OR51L1: variants seen among roughly 807,000 people sequenced by gnomAD.
The protein encoded by OR51L1 is olfactory receptor family 51 subfamily L member 1, also known as olfactory receptor 51L1.
Under a neutral mutation model 1.4 loss-of-function variants are expected in OR51L1, and 1 was observed. The observed-to-expected ratio is 0.72, with a 90% confidence interval of 0.26 to 3.42. The LOEUF is 3.42. Among genes scored for constraint, OR51L1 ranks in the 30% most tolerant of loss-of-function variants. OR51L1 has a pLI of 0.20. For synonymous variants in OR51L1, 156 were observed against 144.2 expected (o/e 1.08, Z -0.59); for missense variants, 378 against 380.0 (o/e 0.99, Z 0.04).
rs750269408 is a variant in OR51L1, at chr11:4,998,938, A to G, written c.-45A>G. On this transcript the variant is annotated 5_prime_UTR_variant, in exon 3 of 3. Coordinates refer to ENST00000641819, the MANE Select transcript of OR51L1 (RefSeq NM_001004755.2). ...ATAACTTTGAGGGATCAGGAAGGAA[A>G]ACACGAACCATTCCTCACTACTTGC... 7 of 1,573,538 alleles carry G rather than the reference A, an allele frequency of 4.4e-6. No individual in the cohort carries two copies. Among genetic ancestry groups the G allele is most frequent in the South Asian group, 1.2e-5 (1 of 84,196 alleles).
At position 5,004,488 on chromosome 11, in the gene OR51L1, A is replaced by T. The variant is rs1847159193; in HGVS notation, c.*4558A>T. ...CCCTAGAGTAACTGCAAGACTCAGT[A>T]AGAGTCTAGCCATATGGGTATTGTT... On this transcript the variant is annotated 3_prime_UTR_variant, in exon 3 of 3. Transcript: ENST00000641819. The T allele has an allele frequency of 6.6e-6, 1 of 152,200 alleles. No homozygotes were observed. Among genetic ancestry groups the T allele is most frequent in the South Asian group, 2.1e-4 (1 of 4,826 alleles). 9.4% of individuals were successfully genotyped at this position (152,200 alleles called of 1,614,324 possible). A position where few individuals can be genotyped will look rare whatever the true frequency, so the allele number is the denominator to read the frequency against.
In OR51L1 at chr11:5,002,883, T is replaced by C. The variant is rs1847144193; in HGVS notation, c.*2953T>C. On this transcript the variant is annotated 3_prime_UTR_variant, in exon 3 of 3. Coordinates refer to ENST00000641819, the MANE Select transcript of OR51L1 (RefSeq NM_001004755.2). Reference sequence around the variant, plus strand: ...GTCTGCTTCCCAGAGAACCCTGAAATGAGAAGTTCTCAGAAAACCTGTGAC... The same window carrying C: ...GTCTGCTTCCCAGAGAACCCTGAAACGAGAAGTTCTCAGAAAACCTGTGAC... 1 of 152,184 alleles carries C rather than the reference T, an allele frequency of 6.6e-6. No individual in the cohort carries two copies. The highest frequency in any genetic ancestry group is 2.4e-5 in the African/African-American group (1 of 41,444). The allele number at this position is 152,184 out of a possible 1,614,324, so 9.4% of individuals were successfully genotyped here. A position where few individuals can be genotyped will look rare whatever the true frequency, so the allele number is the denominator to read the frequency against.
chr11:4,998,823 G>C lies in OR51L1; in HGVS notation c.-159-1G>C. 1.4e-6 allele frequency: 1 copy of C among 730,640 alleles called. No homozygotes were observed. Among genetic ancestry groups the C allele is most frequent in the Admixed American group, 3.0e-5 (1 of 33,646 alleles). The allele number at this position is 730,640 out of a possible 1,614,324, so 45.3% of individuals were successfully genotyped here. ...AATATTGGGAAATGTTTTTTACATA[G>C]GGCCGACAAGAGATACCAGCTTCCT... On this transcript the variant is annotated splice_acceptor_variant, in intron 2 of 2. Transcript: ENST00000641819. LOFTEE classifies it low-confidence loss of function (5UTR_SPLICE).
chr11:4,998,437 G>C (rs1457548721), intron 2 of OR51L1, among the ~76,000 whole-genome samples: 1 of 151,346 alleles, frequency 6.6e-6, no homozygotes, highest in Non-Finnish European at 1.5e-5. Context: ...TATTTATCTT[G>C]TATTATTAAA....
At position 4,999,517 on chromosome 11, in the gene OR51L1, G is replaced by C; in HGVS notation, c.535G>C (p.Ala179Pro). Residue 179 changes from alanine to proline, a missense_variant, in exon 3 of 3, where the codon GCC becomes CCC. Ala to Pro is a conservative substitution (Grantham distance 27). Transcript: ENST00000641819. ...HYCHGNALSH[A>P]FCLHQDVLRL... The stretch of plus-strand genomic sequence containing the variant: ...CTGCCATGGCAATGCCCTCTCTCAC[G>C]CCTTCTGTTTGCACCAGGATGTTCT... 1 of 1,613,914 alleles carries C rather than the reference G, an allele frequency of 6.2e-7. No individual in the cohort carries two copies. Among genetic ancestry groups the C allele is most frequent in the Non-Finnish European group, 8.5e-7 (1 of 1,179,944 alleles).
At chr11:4,998,265 G>GT (rs571091474) in intron 2 of OR51L1, among the ~76,000 whole-genome samples, 2 of 149,360 alleles carry the variant, frequency 1.3e-5, no homozygotes, top group South Asian at 4.2e-4. Flanking sequence ...TATATATATA[G>GT]TTTTTTTACC....
intron 1 of OR51L1, among the ~76,000 whole-genome samples, chr11:4,997,146 T>A (rs1295699539): frequency 6.6e-6 from 1 of 152,086 alleles, no homozygotes; most frequent in Non-Finnish European, 1.5e-5. Flanking sequence ...GATGGAGGAT[T>A]CCTGTACTTG....
At position 5,001,974 on chromosome 11, in the gene OR51L1, C is replaced by T. The variant is rs1032946635; in HGVS notation, c.*2044C>T. 10 of 152,020 alleles carry T rather than the reference C, an allele frequency of 6.6e-5. No individual in the cohort carries two copies. The highest frequency in any genetic ancestry group is 1.5e-5 in the Non-Finnish European group (1 of 68,000). 9.4% of individuals were successfully genotyped at this position (152,020 alleles called of 1,614,324 possible). A position where few individuals can be genotyped will look rare whatever the true frequency, so the allele number is the denominator to read the frequency against. ...ATCAATGGTATTATTGGAACAGGTACCTTTTATAATATTGATATATTAATA... is the reference window on the plus strand; with the variant it reads ...ATCAATGGTATTATTGGAACAGGTATCTTTTATAATATTGATATATTAATA... On this transcript the variant is annotated 3_prime_UTR_variant, in exon 3 of 3. Transcript: ENST00000641819.
rs1157849207 is a variant in OR51L1, at chr11:5,003,382, T to G, written c.*3452T>G. The G allele has an allele frequency of 1.3e-5, 2 of 152,034 alleles. No individual in the cohort carries two copies. The highest frequency in any genetic ancestry group is 2.4e-5 in the African/African-American group (1 of 41,388). 9.4% of individuals were successfully genotyped at this position (152,034 alleles called of 1,614,324 possible). A position where few individuals can be genotyped will look rare whatever the true frequency, so the allele number is the denominator to read the frequency against. ...GTGGTGTGCCCTCAGAAGGTCATAC[T>G]CCTTCATTTTGTCTCTTAATGCACA... is the stretch of plus-strand genomic sequence containing the variant. On this transcript the variant is annotated 3_prime_UTR_variant, in exon 3 of 3. Transcript: ENST00000641819.
rs547990505 is a variant in OR51L1, at chr11:5,002,187, T to G, written c.*2257T>G. 6.6e-6 allele frequency: 1 copy of G among 152,202 alleles called. No homozygotes were observed. The highest frequency in any genetic ancestry group is 1.5e-5 in the Non-Finnish European group (1 of 68,028). The allele number at this position is 152,202 out of a possible 1,614,324, so 9.4% of individuals were successfully genotyped here. A position where few individuals can be genotyped will look rare whatever the true frequency, so the allele number is the denominator to read the frequency against. ...TGCTTTTGTGCTCTGTAATGTCATA[T>G]AGGTTAATGAAATTGGTTATGATGG... On this transcript the variant is annotated 3_prime_UTR_variant, in exon 3 of 3. Transcript: ENST00000641819.
At position 4,999,798 on chromosome 11, in the gene OR51L1, C is replaced by T; in HGVS notation, c.816C>T (p.Pro272=). 1.9e-6 allele frequency: 3 copies of T among 1,614,066 alleles called. No individual in the cohort carries two copies. The highest frequency in any genetic ancestry group is 2.5e-6 in the Non-Finnish European group (3 of 1,180,012). ...MVHRFGKHLS[P]IVHILMADIY... is the part of the protein sequence containing the mutation. Reference sequence around the variant, plus strand: ...ATCGCTTTGGGAAGCATCTGTCTCCCATAGTCCACATCCTCATGGCAGACA... The same window carrying T: ...ATCGCTTTGGGAAGCATCTGTCTCCTATAGTCCACATCCTCATGGCAGACA... The change falls in exon 3 of 3, where the codon CCC becomes CCT. Residue 272 remains proline (P), a synonymous_variant. Coordinates refer to ENST00000641819, the MANE Select transcript of OR51L1 (RefSeq NM_001004755.2).
In OR51L1 at chr11:4,998,866, C is replaced by G. The variant is rs796783873; in HGVS notation, c.-117C>G. The G allele has an allele frequency of 2.6e-6, 3 of 1,140,074 alleles. No homozygotes were observed. Among genetic ancestry groups the G allele is most frequent in the Non-Finnish European group, 3.7e-6 (3 of 800,382 alleles). 70.6% of individuals were successfully genotyped at this position (1,140,074 alleles called of 1,614,324 possible). ...AGCTTCCTTCCTCTGTGAGGTTAGA[C>G]GAAAGATGTATTTTTGTCCTCATTC... is the stretch of plus-strand genomic sequence containing the variant. On this transcript the variant is annotated 5_prime_UTR_variant, in exon 3 of 3. Coordinates refer to ENST00000641819, the MANE Select transcript of OR51L1 (RefSeq NM_001004755.2).
rs762754122 is a variant in OR51L1 at position 4,999,175 on chromosome 11, A to G, written c.193A>G (p.Ile65Val). ...SSLHQPMYYF[I>V]SILAVNDLGM... is the part of the protein sequence containing the mutation. ...TCTCCATCAGCCCATGTATTACTTT[A>G]TTTCCATCTTAGCAGTGAATGACCT... The change falls in exon 3 of 3, where the codon ATT (isoleucine) becomes GTT (valine). Residue 65 changes from isoleucine to valine, a missense_variant. Coordinates refer to ENST00000641819, the MANE Select transcript of OR51L1 (RefSeq NM_001004755.2). The G allele has an allele frequency of 1.9e-6, 3 of 1,613,882 alleles. No individual in the cohort carries two copies. The highest frequency in any genetic ancestry group is 1.1e-5 in the South Asian group (1 of 91,086).
rs1464474065 is a variant in OR51L1 at position 5,002,748 on chromosome 11, G to C, written c.*2818G>C. On this transcript the variant is annotated 3_prime_UTR_variant, in exon 3 of 3. Transcript: ENST00000641819. ...GGCTATCTTCAGGCCTGATTCACAG[G>C]TCAACTTTTCCCTCTGCCCAATCCT... is the stretch of plus-strand genomic sequence containing the variant. The C allele has an allele frequency of 6.6e-6, 1 of 152,078 alleles. No individual in the cohort carries two copies. Among genetic ancestry groups the C allele is most frequent in the African/African-American group, 2.4e-5 (1 of 41,380 alleles). 9.4% of individuals were successfully genotyped at this position (152,078 alleles called of 1,614,324 possible).
In OR51L1 at chr11:4,999,729, G is replaced by T. The variant is rs1312557901; in HGVS notation, c.747G>T (p.Val249=). ...ALNTCVSHIC[V]VLIFFVPVIG... is the part of the protein sequence containing the mutation. ...ACACATGTGTATCCCATATCTGTGT[G>T]GTGCTTATCTTCTTTGTGCCAGTTA... Residue 249 remains valine, a synonymous_variant, in exon 3 of 3, where the codon GTG becomes GTT. Coordinates refer to ENST00000641819, the MANE Select transcript of OR51L1 (RefSeq NM_001004755.2). 1.2e-6 allele frequency: 2 copies of T among 1,613,802 alleles called. No individual in the cohort carries two copies. The highest frequency in any genetic ancestry group is 2.7e-5 in the African/African-American group (2 of 74,876).
intron 2 of OR51L1, 93 bp from the exon 3 acceptor site, chr11:4,998,731 C>T (rs974350431): frequency 2.4e-5 from 10 of 411,258 alleles, no homozygotes; most frequent in Admixed American, 4.0e-5. Flanking sequence ...GCAAATCCAA[C>T]GTATTTCTTG....
chr11:4,996,697 CTTTTCCTTCCTTCCTTTCTTTTCT>C lies in OR51L1; in HGVS notation c.-261-781_-261-758del, dbSNP rs1459968837. Among the ~76,000 whole-genome samples the C allele has an allele frequency of 6.9e-4, 84 of 120,994 alleles. 1 individual carries two copies. The highest frequency in any genetic ancestry group is 2.5e-3 in the African/African-American group (78 of 31,390). The allele number at this position is 120,994 out of a possible 152,430, so 79.4% of individuals were successfully genotyped here. A position where few individuals can be genotyped will look rare whatever the true frequency, so the allele number is the denominator to read the frequency against. ...TTTTTCTCTTTCTTTCTTTTTCTTT[CTTTTCCTTCCTTCCTTTCTTTTCT>C]TTTCTTTCTTTCTTTCTTTCTTTCT... On this transcript the variant is annotated intron_variant, in intron 1 of 2. Transcript: ENST00000641819.
rs1847144080 is a variant in OR51L1 at position 5,002,875 on chromosome 11, C to T, written c.*2945C>T. ...ACCTCAAAGTCTGCTTCCCAGAGAA[C>T]CCTGAAATGAGAAGTTCTCAGAAAA... On this transcript the variant is annotated 3_prime_UTR_variant, in exon 3 of 3. Transcript: ENST00000641819. 6.6e-6 allele frequency: 1 copy of T among 152,118 alleles called. No homozygotes were observed. Among genetic ancestry groups the T allele is most frequent in the Non-Finnish European group, 1.5e-5 (1 of 68,026 alleles). The allele number at this position is 152,118 out of a possible 1,614,324, so 9.4% of individuals were successfully genotyped here. A position where few individuals can be genotyped will look rare whatever the true frequency, so the allele number is the denominator to read the frequency against.
Position 4,999,284 on chromosome 11 carries a change from CTCAGCTGTTCT to C in OR51L1, c.306_316del (p.Gln102HisfsTer18). ...GAGATCCAGGCAAGTGCTTGCTATG[CTCAGCTGTTCT>C]TCATCCACACATTCACATTCCTGGA... On this transcript the variant is annotated frameshift_variant, in exon 3 of 3. Transcript: ENST00000641819. LOFTEE classifies it low-confidence loss of function (END_TRUNC). The C allele has an allele frequency of 6.2e-7, 1 of 1,614,182 alleles. No homozygotes were observed. The highest frequency in any genetic ancestry group is 1.1e-5 in the South Asian group (1 of 91,084).
Sources: gnomAD v4.1 joint callset for allele counts (sites outside exome capture counted in the v4.1 genomes callset) on GRCh38, gnomAD v4.1.1 for gene constraint, MANE v1.5 for transcripts, NCBI Gene and HGNC (gene_info 2026-07-23, HGNC 2026-07-21) for gene names.